The following MEIG1 variants were observed in gnomAD, a reference collection of about 807,000 sequenced individuals.
The protein encoded by MEIG1 is meiosis/spermiogenesis associated 1.
A neutral mutation model predicts 11.3 loss-of-function variants in MEIG1; 12 were observed. That is an observed-to-expected ratio of 1.07 (90% confidence interval 0.68 to 1.73). The LOEUF (loss-of-function observed/expected upper bound fraction) is 1.73. MEIG1 is among the 40% of genes most tolerant of loss of function. The probability of loss-of-function intolerance (pLI) is 0.00; values close to 1 mark genes in which losing one functional copy is unlikely to be tolerated. For synonymous variants in MEIG1, 41 were observed against 33.2 expected (o/e 1.24, Z -0.81); for missense variants, 119 against 104.9 (o/e 1.13, Z -0.59).
intron 1 of MEIG1, among the ~76,000 whole-genome samples, chr10:14,962,657 T>TAGATA (rs149888023): frequency 0.011 from 1,618 of 152,200 alleles, 29 homozygotes; most frequent in Non-Finnish European, 9.8e-3. Context: ...AAAAAGGGCA[T>TAGATA]AGATAAGACA....
chr10:14,986,863 A>G, exon 2 of MEIG1: 1 of 427,962 alleles, frequency 2.3e-6, no homozygotes, highest in South Asian at 1.9e-5. Context: ...CCAGCGACTC[A>G]GCCTCCCAGA....
downstream of MEIG1, among the ~76,000 whole-genome samples, chr10:14,977,119 G>T (rs554963392): frequency 6.6e-6 from 1 of 151,996 alleles, no homozygotes; most frequent in East Asian, 1.9e-4. Flanking sequence ...ATTGTAGAAA[G>T]ATGTTACTCC....
At chr10:14,987,536 A>C in intron 2 of MEIG1, 1 of 674,652 alleles carries the variant, frequency 1.5e-6, no homozygotes. Context: ...CACAAGGAAC[A>C]TCTTTACACT....
At chr10:14,982,830 T>G (rs906202455) in intron 1 of MEIG1, among the ~76,000 whole-genome samples, 1 of 151,986 alleles carries the variant, frequency 6.6e-6, no homozygotes, top group African/African-American at 2.4e-5. Context: ...TATTAAAGAG[T>G]TATACTCACG....
At position 14,972,779 on chromosome 10, in the gene MEIG1, A is replaced by G; in HGVS notation, c.*138A>G. On this transcript the variant is annotated 3_prime_UTR_variant, in exon 3 of 3. Transcript: ENST00000407572. ...TTTTGTGAAACACAAAAGCCATGAG[A>G]ATTGGTATCTGCTAATCACCTTGTC... 2 of 798,880 alleles carry G rather than the reference A, an allele frequency of 2.5e-6. No homozygotes were observed. Among genetic ancestry groups the G allele is most frequent in the Non-Finnish European group, 3.8e-6 (2 of 522,270 alleles). 49.5% of individuals were successfully genotyped at this position (798,880 alleles called of 1,614,324 possible). A position where few individuals can be genotyped will look rare whatever the true frequency, so the allele number is the denominator to read the frequency against.
At chr10:14,972,251 T>C (rs544852599) in intron 2 of MEIG1, among the ~76,000 whole-genome samples, 4 of 152,228 alleles carry the variant, frequency 2.6e-5, no homozygotes, top group East Asian at 1.9e-4. Flanking sequence ...CTGACCTCAA[T>C]TGATCCACCT....
At chr10:14,984,109 A>T (rs1233946640) in intron 1 of MEIG1, among the ~76,000 whole-genome samples, 6 of 152,104 alleles carry the variant, frequency 3.9e-5, no homozygotes, top group African/African-American at 4.8e-5. Context: ...CAGAGGCGGA[A>T]AAGATATTAT....
At chr10:14,967,878 T>A (rs1268403869) in intron 2 of MEIG1, among the ~76,000 whole-genome samples, 1 of 152,170 alleles carries the variant, frequency 6.6e-6, no homozygotes, top group African/African-American at 2.4e-5. Context: ...GGTTTGCAAC[T>A]TTTTTCAAAT....
chr10:14,976,829 C>T (rs6602786), downstream of MEIG1, among the ~76,000 whole-genome samples: 96,097 of 151,708 alleles, frequency 0.63, 30,724 homozygotes, highest in Admixed American at 0.74. Flanking sequence ...TGTCACAGGG[C>T]GTGTAGACCC....
chr10:14,960,015 C>T (rs573392613), intron 1 of MEIG1, among the ~76,000 whole-genome samples: 1 of 152,178 alleles, frequency 6.6e-6, no homozygotes, highest in African/African-American at 2.4e-5. Context: ...ACAGGCAGGT[C>T]AGCACTCCCA....
intron 1 of MEIG1, among the ~76,000 whole-genome samples, chr10:14,986,398 AAGTT>A (rs761122501): frequency 2.3e-4 from 35 of 152,152 alleles, no homozygotes; most frequent in Admixed American, 6.6e-4. Flanking sequence ...CATAATGAGA[AAGTT>A]AGGAAGTTTC....
At chr10:14,969,935 A>C (rs1408314812) in intron 2 of MEIG1, among the ~76,000 whole-genome samples, 1 of 152,242 alleles carries the variant, frequency 6.6e-6, no homozygotes. Flanking sequence ...AGAACAATAA[A>C]ACCTTACACA....
At chr10:14,985,522 C>T (rs1224815857) in intron 1 of MEIG1, among the ~76,000 whole-genome samples, 1 of 151,708 alleles carries the variant, frequency 6.6e-6, no homozygotes, top group African/African-American at 2.4e-5. Flanking sequence ...GTATGTCATA[C>T]GTATTCAATG....
At chr10:14,987,721 C>A in intron 2 of MEIG1, 2 of 244,282 alleles carry the variant, frequency 8.2e-6, no homozygotes, top group Non-Finnish European at 8.0e-6. Flanking sequence ...TCCGTGATCT[C>A]CGTAAAATAC....
upstream of MEIG1, among the ~76,000 whole-genome samples, chr10:14,959,270 G>C (rs1842982652): frequency 6.6e-6 from 1 of 152,162 alleles, no homozygotes; most frequent in South Asian, 2.1e-4. Context: ...TTAGTAAGAT[G>C]GGCCGGCGCC....
intron 1 of MEIG1, among the ~76,000 whole-genome samples, chr10:14,981,776 T>C (rs1200377674): frequency 6.6e-6 from 1 of 152,164 alleles, no homozygotes; most frequent in East Asian, 1.9e-4. Context: ...CCTATTTCTT[T>C]CCAATAAGCA....
intron 1 of MEIG1, among the ~76,000 whole-genome samples, chr10:14,984,038 A>T (rs1355214740): frequency 6.6e-6 from 1 of 152,102 alleles, no homozygotes; most frequent in Non-Finnish European, 1.5e-5. Flanking sequence ...GGGCAAGAGG[A>T]TGCTATTACG....
chr10:14,960,270 A>G (rs1842997145), intron 1 of MEIG1, among the ~76,000 whole-genome samples: 1 of 152,224 alleles, frequency 6.6e-6, no homozygotes, highest in Non-Finnish European at 1.5e-5. Flanking sequence ...AGGGAGGCTA[A>G]TGCTCTTGAA....
At chr10:14,976,144 T>C (rs961735058), downstream of MEIG1, among the ~76,000 whole-genome samples, 1 of 152,146 alleles carries the variant, frequency 6.6e-6, no homozygotes, top group African/African-American at 2.4e-5. Context: ...GGGTTGATAT[T>C]ACTCCCCGAT....
Sources: gnomAD v4.1 joint callset for allele counts (sites outside exome capture counted in the v4.1 genomes callset) on GRCh38, gnomAD v4.1.1 for gene constraint, MANE v1.5 for transcripts, NCBI Gene and HGNC (gene_info 2026-07-23, HGNC 2026-07-21) for gene names.